FERRY3: variants seen among roughly 807,000 people sequenced by gnomAD.
FERRY3 encodes the protein FERRY endosomal RAB5 effector complex subunit 3, also known as protein C12orf4.
At chr12:4,511,356 G>C in the FERRY3 span, among the ~76,000 whole-genome samples, 1,385 of 151,802 alleles carry the variant, frequency 9.1e-3, 23 homozygotes, top group African/African-American at 0.031. Flanking sequence ...ACAAGGATAC[G>C]CAGGAACTGA....
At chr12:4,514,212 T>C in the FERRY3 span, among the ~76,000 whole-genome samples, 1 of 150,458 alleles carries the variant, frequency 6.6e-6, no homozygotes, top group Admixed American at 6.6e-5. Flanking sequence ...CTCACACCAG[T>C]TAAAATGGCA....
At chr12:4,500,112 A>G in the FERRY3 span, 1 of 1,574,632 alleles carries the variant, frequency 6.4e-7, no homozygotes, top group Non-Finnish European at 8.7e-7. Context: ...AAATCATAAA[A>G]TTACAGGATT....
chr12:4,496,198 A>G, the FERRY3 span, among the ~76,000 whole-genome samples: 1 of 152,196 alleles, frequency 6.6e-6, no homozygotes, highest in Non-Finnish European at 1.5e-5. Context: ...TCTCTGATTA[A>G]AACCAGCACC....
At chr12:4,515,507 C>G in the FERRY3 span, among the ~76,000 whole-genome samples, 15 of 152,200 alleles carry the variant, frequency 9.9e-5, no homozygotes, top group East Asian at 2.9e-3. Context: ...ATGGATTGAC[C>G]TGGAGGACAC....
At chr12:4,506,481 T>C in the FERRY3 span, among the ~76,000 whole-genome samples, 3 of 152,198 alleles carry the variant, frequency 2.0e-5, no homozygotes, top group South Asian at 6.2e-4. Context: ...AGAATCCATA[T>C]TTAATGAATT....
At chr12:4,516,871 GA>G in the FERRY3 span, among the ~76,000 whole-genome samples, 3 of 151,354 alleles carry the variant, frequency 2.0e-5, no homozygotes, top group Non-Finnish European at 2.9e-5. Flanking sequence ...AAAGTTGAAG[GA>G]AAAAAAACCC....
chr12:4,513,425 C>T, the FERRY3 span, among the ~76,000 whole-genome samples: 2 of 150,860 alleles, frequency 1.3e-5, no homozygotes, highest in African/African-American at 4.9e-5. Flanking sequence ...AAAAAGAGCC[C>T]GCATCGCCAA....
chr12:4,532,491 CT>C, the FERRY3 span, among the ~76,000 whole-genome samples: 1 of 152,174 alleles, frequency 6.6e-6, no homozygotes, highest in East Asian at 1.9e-4. Context: ...TCTTTTACCC[CT>C]GTACCACCAG....
At chr12:4,518,237 A>G in the FERRY3 span, 2 of 1,614,108 alleles carry the variant, frequency 1.2e-6, no homozygotes, top group Admixed American at 1.7e-5. Context: ...CAAATTATGC[A>G]TGGTCTTCAA....
At chr12:4,514,449 A>G in the FERRY3 span, among the ~76,000 whole-genome samples, 2 of 152,186 alleles carry the variant, frequency 1.3e-5, no homozygotes, top group African/African-American at 4.8e-5. Flanking sequence ...ATGCACACGT[A>G]TGTTTACTGC....
At chr12:4,508,661 C>T in the FERRY3 span, among the ~76,000 whole-genome samples, 8 of 151,948 alleles carry the variant, frequency 5.3e-5, no homozygotes, top group Non-Finnish European at 8.8e-5. Flanking sequence ...ACGAGAATTG[C>T]TTGAGCCCAA....
chr12:4,517,427 G>A, the FERRY3 span, among the ~76,000 whole-genome samples: 1 of 151,810 alleles, frequency 6.6e-6, no homozygotes. Flanking sequence ...CTTTGTTAAT[G>A]TAATTCCAGG....
At chr12:4,500,539 T>C in the FERRY3 span, among the ~76,000 whole-genome samples, 1 of 151,698 alleles carries the variant, frequency 6.6e-6, no homozygotes, top group South Asian at 2.1e-4. Context: ...TAAGAGACAA[T>C]AGCCAATTAT....
At chr12:4,515,029 A>G in the FERRY3 span, among the ~76,000 whole-genome samples, 3 of 152,212 alleles carry the variant, frequency 2.0e-5, no homozygotes, top group African/African-American at 2.4e-5. Flanking sequence ...ATGTATACAT[A>G]TGTAACTAAC....
the FERRY3 span, among the ~76,000 whole-genome samples, chr12:4,492,610 C>T: frequency 0.023 from 3,522 of 152,144 alleles, 140 homozygotes; most frequent in African/African-American, 0.08. Flanking sequence ...ATGACATTTC[C>T]CCCCCTCTGC....
At chr12:4,498,677 A>T in the FERRY3 span, among the ~76,000 whole-genome samples, 2 of 152,174 alleles carry the variant, frequency 1.3e-5, no homozygotes, top group East Asian at 3.8e-4. Context: ...GCAGGCCCCA[A>T]CCTTTTTGGC....
chr12:4,499,281 G>A, the FERRY3 span, among the ~76,000 whole-genome samples: 3 of 152,102 alleles, frequency 2.0e-5, no homozygotes, highest in Non-Finnish European at 4.4e-5. Context: ...GGGAGTAGCT[G>A]GGACTACAGG....
the FERRY3 span, among the ~76,000 whole-genome samples, chr12:4,537,513 C>A: frequency 6.6e-6 from 1 of 151,864 alleles, no homozygotes; most frequent in Non-Finnish European, 1.5e-5. Context: ...TTATGGTGCT[C>A]ACTGGAAAAA....
the FERRY3 span, chr12:4,488,482 A>G: frequency 6.6e-6 from 1 of 152,230 alleles, no homozygotes; most frequent in Non-Finnish European, 1.5e-5. The surrounding 1 kb of genome is among the most constrained non-coding windows in gnomAD (Gnocchi z 4.9). Context: ...CTCCCTGACA[A>G]ATAATTTGGA....
Sources: allele counts gnomAD v4.1 joint callset (sites outside exome capture counted in the v4.1 genomes callset), GRCh38; gene constraint gnomAD v4.1.1; non-coding constraint Gnocchi (gnomAD v3.1); transcripts MANE v1.5; gene names NCBI Gene and HGNC (gene_info 2026-07-23, HGNC 2026-07-21).